GNB1: variants seen among roughly 807,000 people sequenced by gnomAD.
GNB1 encodes G protein subunit beta 1, also known as guanine nucleotide-binding protein G(I)/G(S)/G(T) subunit beta-1.
A neutral mutation model predicts 42.9 loss-of-function variants in GNB1; 2 were observed. That is an observed-to-expected ratio of 0.05 (90% CI 0.02 to 0.15). The LOEUF is 0.15. Among genes scored for constraint, GNB1 ranks in the 10% least tolerant of loss-of-function variants. The pLI is 1.00. For missense variants in GNB1, 193 were observed against 462.2 expected (o/e 0.42, Z 5.34); for synonymous variants, 183 against 174.7 (o/e 1.05, Z -0.38).
At chr1:1,810,629 C>T (rs1646762873) in intron 5 of GNB1, among the ~76,000 whole-genome samples, 2 of 149,550 alleles carry the variant, frequency 1.3e-5, no homozygotes, top group African/African-American at 4.9e-5. Context: ...TACATACATA[C>T]ATAACAAGTA....
At chr1:1,817,944 A>G (rs1646879092) in intron 3 of GNB1, 69 bp from the exon 4 acceptor site, 24 of 1,185,276 alleles carry the variant, frequency 2.0e-5, no homozygotes, top group Admixed American at 3.4e-5. Context: ...CACACATACC[A>G]AAGTTTCAAA....
intron 2 of GNB1, among the ~76,000 whole-genome samples, chr1:1,828,927 A>G (rs967309492): frequency 2.0e-5 from 3 of 152,132 alleles, no homozygotes; most frequent in Admixed American, 1.3e-4. Context: ...TTTGTTAGCA[A>G]TAAAAATAAA....
At chr1:1,852,462 C>T (rs1483696836) in intron 1 of GNB1, among the ~76,000 whole-genome samples, 1 of 152,016 alleles carries the variant, frequency 6.6e-6, no homozygotes, top group African/African-American at 2.4e-5. Flanking sequence ...GATCTCCTGA[C>T]CTCGCGACCC....
intron 5 of GNB1, among the ~76,000 whole-genome samples, chr1:1,810,491 G>A (rs992246328): frequency 1.5e-5 from 2 of 137,270 alleles, no homozygotes; most frequent in Non-Finnish European, 3.0e-5. Flanking sequence ...AGCTAGGATC[G>A]CACCACTGCA....
At chr1:1,866,472 C>T (rs1352458955) in intron 1 of GNB1, among the ~76,000 whole-genome samples, 1 of 152,176 alleles carries the variant, frequency 6.6e-6, no homozygotes, top group African/African-American at 2.4e-5. Context: ...TTTTTAACAA[C>T]TGCACAGTAT....
chr1:1,787,466 C>A lies in GNB1; in HGVS notation c.917-29G>T. The stretch of plus-strand genomic sequence containing the variant: ...GGAGCAAACAACAGCAGAATCACAC[C>A]AAAGCCCAGAGGCATCGATCTCACC... On this transcript the variant is annotated intron_variant, in intron 10 of 11. Transcript: ENST00000378609. This position sits in a 1 kb window ranked among gnomAD's most constrained non-coding sequence, Gnocchi z 4.4. 7.3e-7 allele frequency: 1 copy of A among 1,375,218 alleles called. No homozygotes were observed. The highest frequency in any genetic ancestry group is 1.2e-5 in the South Asian group (1 of 85,722). The allele number at this position is 1,375,218 out of a possible 1,614,324, so 85.2% of individuals were successfully genotyped here.
At position 1,787,544 on chromosome 1, in the gene GNB1, C is replaced by G; in HGVS notation, c.917-107G>C. 1.6e-6 allele frequency: 1 copy of G among 643,356 alleles called. No individual in the cohort carries two copies. Among genetic ancestry groups the G allele is most frequent in the East Asian group, 2.8e-5 (1 of 35,200 alleles). 39.9% of individuals were successfully genotyped at this position (643,356 alleles called of 1,614,324 possible). On this transcript the variant is annotated intron_variant, in intron 10 of 11. Coordinates refer to ENST00000378609, the MANE Select transcript of GNB1 (RefSeq NM_002074.5). The surrounding 1 kb of genome is among the most constrained non-coding windows in gnomAD (Gnocchi z 4.4). ...TGGTGCATCTCTCATGGGACAAGAC[C>G]CAGAGTCTCCCACGGCCAGGAAGGG...
intron 1 of GNB1, among the ~76,000 whole-genome samples, chr1:1,866,460 T>C (rs761769938): frequency 6.6e-6 from 1 of 152,190 alleles, no homozygotes; most frequent in Admixed American, 6.6e-5. Flanking sequence ...CCACCTTAAA[T>C]CTTTTTAACA....
At chr1:1,833,581 C>T (rs1647105397) in intron 2 of GNB1, among the ~76,000 whole-genome samples, 1 of 152,164 alleles carries the variant, frequency 6.6e-6, no homozygotes, top group Admixed American at 6.5e-5. Context: ...CAGCATGAAC[C>T]AGGCTGGATT....
intron 7 of GNB1, among the ~76,000 whole-genome samples, chr1:1,798,052 C>T (rs953190333): frequency 2.0e-5 from 3 of 152,246 alleles, no homozygotes; most frequent in African/African-American, 7.2e-5. Flanking sequence ...CCCAGCCCTG[C>T]ACCGAGGCAT....
chr1:1,799,737 C>G (rs536514804), intron 7 of GNB1, among the ~76,000 whole-genome samples: 1 of 152,346 alleles, frequency 6.6e-6, no homozygotes, highest in African/African-American at 2.4e-5. Flanking sequence ...ATGGTTTGTT[C>G]TTAAGGAGCT....
In GNB1 at chr1:1,843,600, C is replaced by T. The variant is rs75473107; in HGVS notation, c.-95-4362G>A. On this transcript the variant is annotated intron_variant, in intron 1 of 11. Transcript: ENST00000378609. ...GATTGGAGTAAGGATGCTAAAAGTG[C>T]TATCAAATCACCTTAGCCTGGATTC... Among the ~76,000 whole-genome samples, 285 of 152,236 alleles carry T rather than the reference C, an allele frequency of 1.9e-3. 3 individuals carry two copies. The East Asian group carries it at 0.038, about 20-fold the overall frequency.
intron 1 of GNB1, among the ~76,000 whole-genome samples, chr1:1,841,337 C>T (rs1294770891): frequency 6.6e-6 from 1 of 152,108 alleles, no homozygotes; most frequent in Non-Finnish European, 1.5e-5. Flanking sequence ...TACAGGCACA[C>T]GCCATGCCTT....
At chr1:1,889,982 T>C (rs1650385566) in intron 1 of GNB1, among the ~76,000 whole-genome samples, 1 of 151,088 alleles carries the variant, frequency 6.6e-6, no homozygotes, top group Non-Finnish European at 1.5e-5. Flanking sequence ...CTTCGGAATA[T>C]CGCAAACCGG....
At chr1:1,826,412 A>G (rs530695713) in intron 2 of GNB1, among the ~76,000 whole-genome samples, 1 of 152,262 alleles carries the variant, frequency 6.6e-6, no homozygotes, top group African/African-American at 2.4e-5. Context: ...GCGAGACTCC[A>G]TCTCAAAATA....
intron 1 of GNB1, among the ~76,000 whole-genome samples, chr1:1,877,466 GCTGTATGTTCCT>G (rs1649613581): frequency 6.6e-6 from 1 of 151,582 alleles, no homozygotes; most frequent in African/African-American, 2.4e-5. Context: ...ATAGATTTTT[GCTGTATGTTCCT>G]AATTTCCCTT....
At chr1:1,890,371 G>A (rs1442263199) in intron 1 of GNB1, 1 of 150,640 alleles carries the variant, frequency 6.6e-6, no homozygotes, top group Non-Finnish European at 1.5e-5. Flanking sequence ...CACCCCGATA[G>A]GCGGCCCGCG....
rs1649714516 is a variant in GNB1 at position 1,879,335 on chromosome 1, C to A, written c.-96+11485G>T. On this transcript the variant is annotated intron_variant, in intron 1 of 11. Coordinates refer to ENST00000378609, the MANE Select transcript of GNB1 (RefSeq NM_002074.5). The stretch of plus-strand genomic sequence containing the variant: ...ATATTTACTGTGCTATAAATTAAAA[C>A]TGAAATGTCCTAAAAATGTTTATCA... Among the ~76,000 whole-genome samples the A allele has an allele frequency of 2.0e-5, 3 of 152,328 alleles. 1 individual carries two copies. The South Asian group carries it at 6.2e-4, about 32-fold the overall frequency.
intron 1 of GNB1, among the ~76,000 whole-genome samples, chr1:1,845,878 TCTC>T (rs1647632519): frequency 6.9e-6 from 1 of 145,738 alleles, no homozygotes; most frequent in African/African-American, 2.6e-5. Context: ...CACACGTATA[TCTC>T]CTATCTCTTG....
Sources: allele counts gnomAD v4.1 joint callset (sites outside exome capture counted in the v4.1 genomes callset), GRCh38; gene constraint gnomAD v4.1.1; non-coding constraint Gnocchi (gnomAD v3.1); transcripts MANE v1.5; gene names NCBI Gene and HGNC (gene_info 2026-07-23, HGNC 2026-07-21).